Variants in CAMK1D observed in about 807,000 individuals in gnomAD.
CAMK1D encodes the protein calcium/calmodulin dependent protein kinase ID.
A neutral mutation model predicts 47.7 loss-of-function variants in CAMK1D; 9 were observed. The observed-to-expected ratio is 0.19, with a 90% confidence interval of 0.11 to 0.33. CAMK1D has a LOEUF of 0.33. Among genes scored for constraint, CAMK1D ranks in the 10% least tolerant of loss-of-function variants. The pLI is 1.00. For synonymous variants in CAMK1D, 184 were observed against 184.9 expected (o/e 0.99, Z 0.04); for missense variants, 291 against 488.7 (o/e 0.60, Z 3.81).
intron 1 of CAMK1D, among the ~76,000 whole-genome samples, chr10:12,372,477 G>C (rs1838033191): frequency 6.6e-6 from 1 of 152,314 alleles, no homozygotes; most frequent in African/African-American, 2.4e-5. Context: ...TCCTTGCCCT[G>C]GTTGGTCAGT....
chr10:12,587,075 C>T (rs2132351341), intron 2 of CAMK1D, among the ~76,000 whole-genome samples: 1 of 152,262 alleles, frequency 6.6e-6, no homozygotes, highest in South Asian at 2.1e-4. Context: ...TGACTTAATT[C>T]ACTCTGGGCT....
chr10:12,612,839 G>C (rs4495787), intron 2 of CAMK1D, among the ~76,000 whole-genome samples: 52,133 of 152,086 alleles, frequency 0.34, 11,161 homozygotes, highest in East Asian at 0.46. Flanking sequence ...TTTGTTGTTA[G>C]TATTGTTGCA....
chr10:12,569,153 C>T (rs1341762919), intron 2 of CAMK1D, among the ~76,000 whole-genome samples: 2 of 152,178 alleles, frequency 1.3e-5, no homozygotes, highest in African/African-American at 4.8e-5. Context: ...ATGTTTCAGA[C>T]TCCTGTATTC....
chr10:12,647,429 A>G (rs2132501625), intron 2 of CAMK1D, among the ~76,000 whole-genome samples: 1 of 152,130 alleles, frequency 6.6e-6, no homozygotes, highest in Non-Finnish European at 1.5e-5. Flanking sequence ...GATTACAGGC[A>G]TGAGCCACCT....
rs1391357400 is a variant in CAMK1D, at chr10:12,832,844, A to T, written c.*3957A>T. 1 of 152,716 alleles carries T rather than the reference A, an allele frequency of 6.5e-6. No homozygotes were observed. Among genetic ancestry groups the T allele is most frequent in the East Asian group, 1.9e-4 (1 of 5,190 alleles). The allele number at this position is 152,716 out of a possible 1,614,324, so 9.5% of individuals were successfully genotyped here. ...GACAGTGGACAGGGCGCAGTGGCTC[A>T]CGCCTGTAATCCCAGCGCTTTGGGA... On this transcript the variant is annotated 3_prime_UTR_variant, in exon 11 of 11. Coordinates refer to ENST00000619168, the MANE Select transcript of CAMK1D (RefSeq NM_153498.4).
At chr10:12,647,745 T>C (rs772190015) in intron 2 of CAMK1D, among the ~76,000 whole-genome samples, 1 of 152,122 alleles carries the variant, frequency 6.6e-6, no homozygotes, top group South Asian at 2.1e-4. Context: ...GTGAAGGACA[T>C]AGGGCCAAGG....
At chr10:12,579,910 C>T (rs1281732491) in intron 2 of CAMK1D, among the ~76,000 whole-genome samples, 1 of 152,064 alleles carries the variant, frequency 6.6e-6, no homozygotes, top group Non-Finnish European at 1.5e-5. Flanking sequence ...TTTCAAAAGC[C>T]AGTTTTGAAC....
chr10:12,575,258 A>G (rs1837458391), intron 2 of CAMK1D, among the ~76,000 whole-genome samples: 2 of 151,870 alleles, frequency 1.3e-5, no homozygotes, highest in African/African-American at 4.8e-5. Flanking sequence ...GGGCCCGGCT[A>G]ATTTTTATAT....
At chr10:12,809,476 A>G (rs1832513231) in intron 6 of CAMK1D, among the ~76,000 whole-genome samples, 1 of 152,260 alleles carries the variant, frequency 6.6e-6, no homozygotes, top group Non-Finnish European at 1.5e-5. Flanking sequence ...CAATAGCTGA[A>G]TAGCTAAGTG....
intron 2 of CAMK1D, among the ~76,000 whole-genome samples, chr10:12,560,999 C>T (rs1038058183): frequency 2.0e-5 from 3 of 151,828 alleles, no homozygotes; most frequent in Admixed American, 6.6e-5. Context: ...CTGCAAGCTC[C>T]GCCTCCCAGC....
chr10:12,410,265 T>C (rs1158277462), intron 1 of CAMK1D, among the ~76,000 whole-genome samples: 1 of 152,242 alleles, frequency 6.6e-6, no homozygotes, highest in African/African-American at 2.4e-5. Context: ...TGCCATTTCC[T>C]GTTCTTTCTG....
intron 2 of CAMK1D, among the ~76,000 whole-genome samples, chr10:12,622,048 G>T (rs1366930475): frequency 2.0e-5 from 3 of 152,184 alleles, no homozygotes; most frequent in African/African-American, 7.2e-5. Flanking sequence ...TGTCTCCACA[G>T]CCACTGCATG....
intron 2 of CAMK1D, among the ~76,000 whole-genome samples, chr10:12,567,968 A>G (rs1381976474): frequency 3.3e-5 from 5 of 152,000 alleles, no homozygotes; most frequent in Non-Finnish European, 7.4e-5. Flanking sequence ...GATTCAGAAC[A>G]TGGCACATTG....
intron 2 of CAMK1D, 64 bp from the exon 3 acceptor site, chr10:12,666,672 C>G (rs1187319326): frequency 1.5e-6 from 2 of 1,298,952 alleles, no homozygotes; most frequent in African/African-American, 2.9e-5. Flanking sequence ...ACAATGCTGT[C>G]TGTTTTGAAA....
intron 2 of CAMK1D, among the ~76,000 whole-genome samples, chr10:12,595,342 G>GGAAAAAAAAAAAAAAAAAA: frequency 4.2e-5 from 1 of 23,556 alleles, no homozygotes; most frequent in Non-Finnish European, 7.0e-5. Context: ...AACTCCATCT[G>GGAAAAAAAAAAAAAAAAAA]AAAAAAAAAA....
intron 1 of CAMK1D, among the ~76,000 whole-genome samples, chr10:12,497,131 G>A (rs549140335): frequency 1.6e-4 from 24 of 152,152 alleles, no homozygotes; most frequent in African/African-American, 5.8e-4. Context: ...TCTTTATCCA[G>A]TCTATCATTG....
intron 1 of CAMK1D, among the ~76,000 whole-genome samples, chr10:12,488,939 A>G (rs966742792): frequency 6.6e-6 from 1 of 151,874 alleles, no homozygotes; most frequent in South Asian, 2.1e-4. Flanking sequence ...TTATTTATTT[A>G]TGTATTTATT....
intron 3 of CAMK1D, among the ~76,000 whole-genome samples, chr10:12,682,751 C>T (rs1020183765): frequency 2.0e-5 from 3 of 151,996 alleles, no homozygotes; most frequent in Non-Finnish European, 4.4e-5. Context: ...TTCCCAGATA[C>T]GGGTTTAGAA....
chr10:12,614,191 G>T (rs764453219), intron 2 of CAMK1D, among the ~76,000 whole-genome samples: 21 of 152,132 alleles, frequency 1.4e-4, no homozygotes, highest in Non-Finnish European at 2.6e-4. Context: ...CTCCAAAATG[G>T]GCATGGCAAC....
Sources: allele counts gnomAD v4.1 joint callset (sites outside exome capture counted in the v4.1 genomes callset), GRCh38; gene constraint gnomAD v4.1.1; transcripts MANE v1.5; gene names NCBI Gene and HGNC (gene_info 2026-07-23, HGNC 2026-07-21).